S100PBP: variants seen among roughly 807,000 people sequenced by gnomAD.
S100PBP encodes the protein S100P binding protein.
A neutral mutation model predicts 39.9 loss-of-function variants in S100PBP; 15 were observed. That is an observed-to-expected ratio of 0.38 (90% CI 0.25 to 0.58). The LOEUF (loss-of-function observed/expected upper bound fraction) is 0.58. Ranked by LOEUF, S100PBP falls within the 20% of genes least tolerant of loss-of-function variation. The pLI is 0.70. For missense variants in S100PBP, 504 were observed against 487.3 expected (o/e 1.03, Z -0.32); for synonymous variants, 178 against 180.3 (o/e 0.99, Z 0.10).
chr1:32,848,884 G>GAT, intron 5 of S100PBP, among the ~76,000 whole-genome samples: 1 of 152,144 alleles, frequency 6.6e-6, no homozygotes, highest in Middle Eastern at 3.4e-3. Flanking sequence ...CAAAACAAAG[G>GAT]ACAGTCTTTA....
chr1:32,844,829 A>C (rs1000274444), intron 5 of S100PBP, among the ~76,000 whole-genome samples: 5 of 150,918 alleles, frequency 3.3e-5, no homozygotes, highest in Non-Finnish European at 7.4e-5. Context: ...ATATATCTAT[A>C]TATATATATC....
chr1:32,836,568 C>T (rs946717045), intron 5 of S100PBP: 6 of 983,282 alleles, frequency 6.1e-6, no homozygotes, highest in Non-Finnish European at 7.2e-6. Flanking sequence ...CATTTTCTTT[C>T]TTGAATTGTT....
intron 4 of S100PBP, among the ~76,000 whole-genome samples, chr1:32,828,354 A>G (rs1316442783): frequency 6.6e-6 from 1 of 152,126 alleles, no homozygotes; most frequent in Non-Finnish European, 1.5e-5. Flanking sequence ...AAAACACTAC[A>G]AAGGTAAGAT....
In S100PBP at chr1:32,856,695, T is replaced by G. The variant is rs575533452; in HGVS notation, c.*657T>G. On this transcript the variant is annotated 3_prime_UTR_variant, in exon 7 of 7. Transcript: ENST00000373475. ...ATTTTTTTTTGTGGGTGGGGGGGAT[T>G]TTTTCATTCCTTATTGAACTTATTT... 26 of 152,672 alleles carry G rather than the reference T, an allele frequency of 1.7e-4. No homozygotes were observed. The highest frequency in any genetic ancestry group is 6.3e-4 in the African/African-American group (26 of 41,528). 9.5% of individuals were successfully genotyped at this position (152,672 alleles called of 1,614,324 possible).
chr1:32,838,333 C>CAAAAAA (rs770251816), intron 5 of S100PBP, among the ~76,000 whole-genome samples: 19 of 67,410 alleles, frequency 2.8e-4, no homozygotes, highest in East Asian at 8.3e-4. Context: ...GACTCTGTCT[C>CAAAAAA]AAAAAAAAAA....
At chr1:32,827,540 G>A (rs1325295000) in intron 3 of S100PBP, among the ~76,000 whole-genome samples, 1 of 152,022 alleles carries the variant, frequency 6.6e-6, no homozygotes. Context: ...CTGCAGTGCA[G>A]TGGCACGATC....
chr1:32,853,211 G>C, intron 6 of S100PBP, 45 bp downstream of exon 6: 1 of 1,419,706 alleles, frequency 7.0e-7, no homozygotes, highest in South Asian at 1.2e-5. Context: ...AGAATGGCTG[G>C]GCGCGGTGGC....
intron 1 of S100PBP, among the ~76,000 whole-genome samples, chr1:32,819,172 TGA>T (rs1638921542): frequency 6.6e-6 from 1 of 151,322 alleles, no homozygotes; most frequent in African/African-American, 2.4e-5. Context: ...GGTGGACAGG[TGA>T]GAGAGATGTG....
intron 5 of S100PBP, among the ~76,000 whole-genome samples, chr1:32,845,125 C>T (rs1640306902): frequency 6.6e-6 from 1 of 152,028 alleles, no homozygotes; most frequent in Non-Finnish European, 1.5e-5. Flanking sequence ...CCCAGGTTCA[C>T]GCCATTCTCC....
upstream of S100PBP, chr1:32,817,198 C>T (rs769997873): frequency 5.6e-6 from 9 of 1,614,074 alleles, no homozygotes; most frequent in Admixed American, 1.3e-4. Flanking sequence ...CTGCAGGTTC[C>T]GGGTGATAAG....
Position 32,826,872 on chromosome 1 carries a change from G to C in S100PBP, c.773G>C (p.Gly258Ala), listed in dbSNP as rs765822059. Residue 258 changes from glycine (G) to alanine (A), a missense_variant, in exon 3 of 7, where the codon GGT (glycine) becomes GCT (alanine). Gly to Ala is a moderately conservative substitution (Grantham distance 60). Transcript: ENST00000373475. Reference protein sequence around the residue: ...PNMELSCRNGGSHKSSCEMRS... With the variant: ...PNMELSCRNGASHKSSCEMRS... Reference sequence around the variant, plus strand: ...ATGGAGTTATCCTGCAGAAATGGTGGTTCACACAAGTCAAGTTGTGAAATG... The same window carrying C: ...ATGGAGTTATCCTGCAGAAATGGTGCTTCACACAAGTCAAGTTGTGAAATG... 1 of 1,610,392 alleles carries C rather than the reference G, an allele frequency of 6.2e-7. No homozygotes were observed. The highest frequency in any genetic ancestry group is 1.1e-5 in the South Asian group (1 of 89,936).
chr1:32,843,544 C>G (rs1309537879), intron 5 of S100PBP, among the ~76,000 whole-genome samples: 1 of 152,052 alleles, frequency 6.6e-6, no homozygotes, highest in Admixed American at 6.6e-5. Context: ...AAAACCTCCG[C>G]CTTCCATGTT....
intron 5 of S100PBP, among the ~76,000 whole-genome samples, chr1:32,844,100 G>T (rs1274937203): frequency 6.6e-6 from 1 of 151,532 alleles, no homozygotes; most frequent in Non-Finnish European, 1.5e-5. Flanking sequence ...ATTTTTAGTA[G>T]AGACAGGGTT....
chr1:32,842,236 T>TATATATATATATATAC lies in S100PBP; in HGVS notation c.1025-10842_1025-10841insTATATATATATATACA, dbSNP rs372174677. Among the ~76,000 whole-genome samples the TATATATATATATATAC allele has an allele frequency of 4.9e-5, 4 of 80,854 alleles. 1 individual carries two copies. Among genetic ancestry groups the TATATATATATATATAC allele is most frequent in the South Asian group, 1.0e-3 (2 of 1,998 alleles). 53.0% of individuals were successfully genotyped at this position (80,854 alleles called of 152,430 possible). On this transcript the variant is annotated intron_variant, in intron 5 of 6. Transcript: ENST00000373475. Reference sequence around the variant, plus strand: ...ATATATATATGTATATATATATATATACACACACACACACACACACACACA... The same window carrying TATATATATATATATAC: ...ATATATATATGTATATATATATATATATATATATATATATACACACACACACACACACACACACACA...
At chr1:32,844,272 G>A (rs560172499) in intron 5 of S100PBP, among the ~76,000 whole-genome samples, 4 of 152,058 alleles carry the variant, frequency 2.6e-5, no homozygotes, top group East Asian at 1.9e-4. Flanking sequence ...GGCTGGTCTC[G>A]AATTTCTGGC....
intron 5 of S100PBP, among the ~76,000 whole-genome samples, chr1:32,838,383 C>G (rs1355993335): frequency 1.3e-5 from 2 of 151,402 alleles, no homozygotes; most frequent in Admixed American, 6.6e-5. Flanking sequence ...AAACTGTTCC[C>G]AAGTAGTTGT....
chr1:32,843,696 G>A (rs749036571), intron 5 of S100PBP, among the ~76,000 whole-genome samples: 4 of 151,904 alleles, frequency 2.6e-5, no homozygotes, highest in African/African-American at 9.7e-5. Flanking sequence ...CAAGTGATCC[G>A]ACCACCTTGG....
intron 2 of S100PBP, 144 bp from the exon 3 acceptor site, chr1:32,825,954 G>A (rs1569844828): frequency 1.6e-6 from 1 of 624,122 alleles, no homozygotes; most frequent in East Asian, 2.8e-5. Context: ...TTCTGGTAAG[G>A]TTAAATATCT....
chr1:32,838,827 G>C (rs1639961793), intron 5 of S100PBP, among the ~76,000 whole-genome samples: 1 of 148,448 alleles, frequency 6.7e-6, no homozygotes. Context: ...TGGGTGACAA[G>C]AGTGAAACTC....
Sources: allele counts gnomAD v4.1 joint callset (sites outside exome capture counted in the v4.1 genomes callset), GRCh38; gene constraint gnomAD v4.1.1; transcripts MANE v1.5; gene names NCBI Gene and HGNC (gene_info 2026-07-23, HGNC 2026-07-21).